Variants in MAP4K5 observed in about 807,000 individuals in gnomAD.
MAP4K5 encodes the protein MAPK/ERK kinase kinase kinase 5.
MAP4K5 carries 82 observed loss-of-function variants against 135.6 expected under a neutral mutation model. The observed-to-expected ratio is 0.60, with a 90% CI of 0.51 to 0.73. The LOEUF (loss-of-function observed/expected upper bound fraction) is 0.73. Ranked by LOEUF, MAP4K5 falls within the 30% of genes least tolerant of loss-of-function variation. The pLI is 0.00. For synonymous variants in MAP4K5, 347 were observed against 335.0 expected (o/e 1.04, Z -0.39); for missense variants, 907 against 1,010.9 (o/e 0.90, Z 1.39).
rs747954393 is a variant in MAP4K5, at chr14:50,428,740, C to T, written c.2248G>A (p.Val750Ile). 4 of 1,423,336 alleles carry T rather than the reference C, an allele frequency of 2.8e-6. No individual in the cohort carries two copies. The highest frequency in any genetic ancestry group is 3.8e-6 in the Non-Finnish European group (4 of 1,060,732). 88.2% of individuals were successfully genotyped at this position (1,423,336 alleles called of 1,614,324 possible). The change falls in exon 30 of 33, where the codon GTA (valine) becomes ATA (isoleucine). Residue 750 changes from valine (V) to isoleucine (I), a missense_variant. Around this residue, in one of 3 missense-constraint regions of MAP4K5, gnomAD observed 690 missense variants for 777.4 expected, o/e 0.89. Transcript: ENST00000682126. ...LVCLDKFVKIVNLQGKLKSSK... is the reference protein window; with the variant it reads ...LVCLDKFVKIINLQGKLKSSK... ...GATTTTAATTTTCCTTGTAGATTTA[C>T]AATTTTCACAAATTCTTAAAAAAAA...
chr14:50,471,003 CTTTTT>C (rs1332028845), intron 9 of MAP4K5, among the ~76,000 whole-genome samples: 1 of 152,140 alleles, frequency 6.6e-6, no homozygotes, highest in Non-Finnish European at 1.5e-5. Flanking sequence ...AATTTCTTTT[CTTTTT>C]TTCCTTCAAC....
rs1211075126 is a variant in MAP4K5, at chr14:50,503,853, CT to C, written c.166+946del. 2.6e-5 allele frequency among the ~76,000 whole-genome samples: 4 copies of C among 152,176 alleles called. No homozygotes were observed. The South Asian group carries it at 8.3e-4, about 32-fold the overall frequency. ...ATAATTTGAATATTTGCTCTAGTGACTTTTCCAGGACAGGCAAAGGCTTGTA... is the reference window on the plus strand; with the variant it reads ...ATAATTTGAATATTTGCTCTAGTGACTTTCCAGGACAGGCAAAGGCTTGTA... On this transcript the variant is annotated intron_variant, in intron 3 of 32. Transcript: ENST00000682126.
chr14:50,429,245 T>C lies in MAP4K5; in HGVS notation c.2180A>G (p.Asp727Gly), dbSNP rs1250817403. 1 of 1,562,860 alleles carries C rather than the reference T, an allele frequency of 6.4e-7. No homozygotes were observed. The highest frequency in any genetic ancestry group is 2.4e-5 in the East Asian group (1 of 42,368). The change falls in exon 29 of 33, where the codon GAT (aspartate) becomes GGT (glycine). Residue 727 changes from aspartate to glycine, a missense_variant. Transcript: ENST00000682126. ...TEIGAGSQQLDSIHVTQLERD... is the reference protein window; with the variant it reads ...TEIGAGSQQLGSIHVTQLERD... ...CTCCAACTGTGTTACATGAATGGAA[T>C]CTAACTGCTGGCTGCCTTAGGAAGT...
chr14:50,520,821 T>C (rs1457675934), intron 2 of MAP4K5, among the ~76,000 whole-genome samples: 3 of 18,644 alleles, frequency 1.6e-4, no homozygotes, highest in Non-Finnish European at 7.6e-4. Flanking sequence ...CAAAGTCATC[T>C]TTTTTTTTTT....
chr14:50,520,358 G>A (rs1055876570), intron 2 of MAP4K5, among the ~76,000 whole-genome samples: 5 of 152,068 alleles, frequency 3.3e-5, no homozygotes, highest in South Asian at 2.1e-4. Context: ...GAAATTAGTC[G>A]GGCATGGCAG....
chr14:50,516,131 T>C (rs999277315), intron 2 of MAP4K5, among the ~76,000 whole-genome samples: 1 of 152,242 alleles, frequency 6.6e-6, no homozygotes, highest in Non-Finnish European at 1.5e-5. Context: ...CCACACACTT[T>C]CTTCTATTTC....
At chr14:50,508,397 T>A (rs1404322541) in intron 2 of MAP4K5, among the ~76,000 whole-genome samples, 1 of 152,090 alleles carries the variant, frequency 6.6e-6, no homozygotes, top group Non-Finnish European at 1.5e-5. Flanking sequence ...ATAAAAAGGA[T>A]GACTTCATGT....
intron 13 of MAP4K5, among the ~76,000 whole-genome samples, chr14:50,459,196 G>A (rs570691958): frequency 2.6e-5 from 4 of 152,306 alleles, no homozygotes; most frequent in Middle Eastern, 3.4e-3. Context: ...CCATTTGGAA[G>A]TTCTATGCAA....
intron 2 of MAP4K5, among the ~76,000 whole-genome samples, chr14:50,517,076 G>C (rs1269114923): frequency 1.3e-5 from 2 of 151,600 alleles, no homozygotes; most frequent in Admixed American, 1.3e-4. Context: ...CAACAAAAAT[G>C]ATAGTAGTTA....
intron 3 of MAP4K5, among the ~76,000 whole-genome samples, chr14:50,489,586 C>T (rs2037437569): frequency 6.6e-6 from 1 of 152,172 alleles, no homozygotes; most frequent in Non-Finnish European, 1.5e-5. Flanking sequence ...GTGTTAATGA[C>T]ACTTTATTCT....
At chr14:50,433,491 T>G (rs77983298) in intron 28 of MAP4K5, among the ~76,000 whole-genome samples, 1 of 152,238 alleles carries the variant, frequency 6.6e-6, no homozygotes, top group East Asian at 1.9e-4. Flanking sequence ...AAGAGCCTGT[T>G]GTTAGACATT....
At chr14:50,468,212 A>C (rs1292807270) in intron 10 of MAP4K5, among the ~76,000 whole-genome samples, 1 of 151,396 alleles carries the variant, frequency 6.6e-6, no homozygotes, top group Non-Finnish European at 1.5e-5. Context: ...CACATAGGAC[A>C]AAAAAAAAGA....
At chr14:50,528,413 A>C (rs1452415366) in intron 2 of MAP4K5, among the ~76,000 whole-genome samples, 6 of 151,876 alleles carry the variant, frequency 4.0e-5, no homozygotes, top group Non-Finnish European at 8.8e-5. Context: ...AAAAAAAAAA[A>C]AAAAAAAAAA....
chr14:50,538,371 A>C (rs1490080704), intron 2 of MAP4K5, among the ~76,000 whole-genome samples: 2 of 152,198 alleles, frequency 1.3e-5, no homozygotes, highest in African/African-American at 2.4e-5. Flanking sequence ...AGCAGTGTGA[A>C]AATGGACTAA....
Position 50,447,442 on chromosome 14 carries a change from G to T in MAP4K5, c.1114C>A (p.Pro372Thr), listed in dbSNP as rs868123491. 1.3e-6 allele frequency: 2 copies of T among 1,552,140 alleles called. No homozygotes were observed. Among genetic ancestry groups the T allele is most frequent in the African/African-American group, 1.4e-5 (1 of 73,156 alleles). The change falls in exon 16 of 33, where the codon CCT becomes ACT. Residue 372 changes from proline to threonine, a missense_variant. Physicochemically the swap from Pro to Thr is conservative, Grantham distance 38. This residue lies in a region of MAP4K5 where 690 missense variants were observed against 777.4 expected (regional missense o/e 0.89). Coordinates refer to ENST00000682126, the MANE Select transcript of MAP4K5 (RefSeq NM_006575.6). ...CCAGTATTTGCACCATCAACAAAAG[G>T]ATTCCACTGTAACATGAAATTTGGG... ...SDPNFMLQWNPFVDGANTGKS... is the reference protein window; with the variant it reads ...SDPNFMLQWNTFVDGANTGKS...
In MAP4K5 at chr14:50,486,124, G is replaced by C. The variant is rs766865250; in HGVS notation, c.237C>G (p.Ala79=). 9 of 1,385,646 alleles carry C rather than the reference G, an allele frequency of 6.5e-6. No homozygotes were observed. The Admixed American group carries it at 2.0e-4, about 31-fold the overall frequency. The allele number at this position is 1,385,646 out of a possible 1,614,324, so 85.8% of individuals were successfully genotyped here. ...VKECKHCNIV[A]YFGSYLSREK... Reference sequence around the variant, plus strand: ...CTTACCTAAGATAACTCCCAAAGTAGGCAACGATGTTACAATGTTTACATT... The same window carrying C: ...CTTACCTAAGATAACTCCCAAAGTACGCAACGATGTTACAATGTTTACATT... The change falls in exon 4 of 33, where the codon GCC becomes GCG. Residue 79 remains alanine, a synonymous_variant. Coordinates refer to ENST00000682126, the MANE Select transcript of MAP4K5 (RefSeq NM_006575.6).
intron 23 of MAP4K5, 93 bp from the exon 24 acceptor site, chr14:50,438,187 T>C (rs779707595): frequency 4.9e-5 from 30 of 613,216 alleles, no homozygotes; most frequent in Admixed American, 2.6e-4. Context: ...TGAAAGACAA[T>C]AGATAAAATG....
rs772532807 is a variant in MAP4K5, at chr14:50,437,584, C to G, written c.1824-50G>C. 3.2e-6 allele frequency: 4 copies of G among 1,243,804 alleles called. No homozygotes were observed. In the South Asian group the frequency reaches 5.5e-5, roughly 17 times the overall value. The allele number at this position is 1,243,804 out of a possible 1,614,324, so 77.0% of individuals were successfully genotyped here. ...GCACTCTACAGTAGTGGTTACAACACAATGATTTGTAAATCAGTTGCATCA... is the reference window on the plus strand; with the variant it reads ...GCACTCTACAGTAGTGGTTACAACAGAATGATTTGTAAATCAGTTGCATCA... On this transcript the variant is annotated intron_variant, in intron 25 of 32. Coordinates refer to ENST00000682126, the MANE Select transcript of MAP4K5 (RefSeq NM_006575.6).
chr14:50,454,784 A>G (rs2036564359), intron 14 of MAP4K5, among the ~76,000 whole-genome samples: 1 of 152,082 alleles, frequency 6.6e-6, no homozygotes, highest in African/African-American at 2.4e-5. Context: ...TCTGTGTAAA[A>G]ACAATGAATT....
Sources: gnomAD v4.1 joint callset for allele counts (sites outside exome capture counted in the v4.1 genomes callset) on GRCh38, gnomAD v4.1.1 for gene constraint, gnomAD v4.1.1 regional missense constraint, MANE v1.5 for transcripts, NCBI Gene and HGNC (gene_info 2026-07-23, HGNC 2026-07-21) for gene names.